Variants in PSPC1 observed in about 807,000 individuals in gnomAD.
PSPC1 encodes the protein paraspeckle protein 1.
PSPC1 carries 14 observed loss-of-function variants against 51.6 expected under a neutral mutation model. The observed-to-expected ratio is 0.27, with a 90% CI of 0.18 to 0.42. PSPC1 has a LOEUF of 0.42. PSPC1 is among the 10% of genes least tolerant of loss of function. The probability of loss-of-function intolerance (pLI) is 1.00; values close to 1 mark genes in which losing one functional copy is unlikely to be tolerated. For missense variants in PSPC1, 406 were observed against 701.1 expected (o/e 0.58, Z 4.75); for synonymous variants, 193 against 231.9 (o/e 0.83, Z 1.53).
intron 1 of PSPC1, among the ~76,000 whole-genome samples, chr13:19,777,910 C>T (rs905738319): frequency 6.6e-6 from 1 of 151,800 alleles, no homozygotes; most frequent in Non-Finnish European, 1.5e-5. Context: ...CGCGCTACTG[C>T]ACTCCAGCCT....
At chr13:19,740,173 G>A (rs547304748) in intron 5 of PSPC1, among the ~76,000 whole-genome samples, 32 of 152,150 alleles carry the variant, frequency 2.1e-4, no homozygotes, top group Admixed American at 9.8e-4. Flanking sequence ...GAGAAACCCC[G>A]TCTCTACTAA....
At chr13:19,712,557 T>C (rs1225388974) in intron 6 of PSPC1, among the ~76,000 whole-genome samples, 1 of 152,126 alleles carries the variant, frequency 6.6e-6, no homozygotes, top group Non-Finnish European at 1.5e-5. Context: ...ACCAAAAATA[T>C]CTATGGTTTT....
intron 6 of PSPC1, among the ~76,000 whole-genome samples, chr13:19,695,122 AAGAAAT>A (rs1879050134): frequency 6.6e-6 from 1 of 152,216 alleles, no homozygotes; most frequent in Admixed American, 6.5e-5. Flanking sequence ...ACCTACAGAA[AAGAAAT>A]AGAAACTGGC....
intron 1 of PSPC1, among the ~76,000 whole-genome samples, chr13:19,777,429 CAAAAAAAAA>C (rs397938970): frequency 6.3e-5 from 3 of 47,904 alleles, no homozygotes; most frequent in South Asian, 1.5e-3. Context: ...GACCTCAGCT[CAAAAAAAAA>C]AAAAAAAAAA....
intron 3 of PSPC1, among the ~76,000 whole-genome samples, chr13:19,757,197 T>C (rs1458542581): frequency 2.0e-5 from 3 of 151,770 alleles, no homozygotes; most frequent in Non-Finnish European, 4.4e-5. Context: ...CTTTGGGACC[T>C]TGAACTTTGG....
rs1282119530 is a variant in PSPC1, at chr13:19,776,921, T to C, written c.373-4378A>G. Among the ~76,000 whole-genome samples, 4 of 145,782 alleles carry C rather than the reference T, an allele frequency of 2.7e-5. No individual in the cohort carries two copies. In the East Asian group the frequency reaches 6.2e-4, roughly 23 times the overall value. On this transcript the variant is annotated intron_variant, in intron 1 of 8. Coordinates refer to ENST00000338910, the MANE Select transcript of PSPC1 (RefSeq NM_001354909.2). ...CAGGTGGATCACCTGAGGTCAGGAG[T>C]TCAAGACCAGCCTGGCCAACATGGT...
downstream of PSPC1, among the ~76,000 whole-genome samples, chr13:19,674,422 C>T (rs1024116886): frequency 1.3e-5 from 2 of 152,194 alleles, no homozygotes; most frequent in African/African-American, 4.8e-5. Flanking sequence ...GTAGAATGAT[C>T]AGGAGAGTCT....
downstream of PSPC1, among the ~76,000 whole-genome samples, chr13:19,700,370 ATT>A (rs1233581464): frequency 6.6e-6 from 1 of 152,100 alleles, no homozygotes; most frequent in Non-Finnish European, 1.5e-5. Flanking sequence ...TAAAACAGAT[ATT>A]GTTCCCCTAA....
intron 4 of PSPC1, among the ~76,000 whole-genome samples, chr13:19,746,788 T>C (rs1306544951): frequency 1.3e-5 from 2 of 151,728 alleles, no homozygotes; most frequent in African/African-American, 4.8e-5. Context: ...ACAATTATTA[T>C]TGTAAGGTAC....
chr13:19,735,110 G>GC (rs1245187925), intron 5 of PSPC1, among the ~76,000 whole-genome samples: 1 of 152,056 alleles, frequency 6.6e-6, no homozygotes, highest in Admixed American at 6.6e-5. Flanking sequence ...TCAAGGGTTT[G>GC]CGACCAGCTT....
intron 3 of PSPC1, among the ~76,000 whole-genome samples, chr13:19,758,952 A>G (rs1049025847): frequency 1.3e-5 from 2 of 151,990 alleles, no homozygotes; most frequent in African/African-American, 4.8e-5. Context: ...AAAAGTAGAC[A>G]TTTCTAAAAA....
chr13:19,674,668 T>A (rs1475096112), downstream of PSPC1: 1 of 152,086 alleles, frequency 6.6e-6, no homozygotes, highest in Non-Finnish European at 1.5e-5. Context: ...ACAGTGGAGC[T>A]CAAGGAGGAT....
intron 8 of PSPC1, among the ~76,000 whole-genome samples, chr13:19,704,380 T>C (rs17241375): frequency 6.6e-6 from 1 of 152,170 alleles, no homozygotes; most frequent in Admixed American, 6.5e-5. Flanking sequence ...CTCCAAATTC[T>C]TGAAGCAAAT....
downstream of PSPC1, among the ~76,000 whole-genome samples, chr13:19,701,516 T>C (rs1879903212): frequency 6.6e-6 from 1 of 152,098 alleles, no homozygotes; most frequent in South Asian, 2.1e-4. Context: ...CAAAGAACTG[T>C]CAAAAACAAA....
intron 7 of PSPC1, among the ~76,000 whole-genome samples, chr13:19,709,083 C>T (rs1224470686): frequency 7.1e-6 from 1 of 141,828 alleles, no homozygotes; most frequent in Admixed American, 7.7e-5. Context: ...CACTTGAGCC[C>T]AGGAAGTCGA....
At chr13:19,697,587 T>C (rs541628067), downstream of PSPC1, among the ~76,000 whole-genome samples, 10 of 152,286 alleles carry the variant, frequency 6.6e-5, no homozygotes, top group African/African-American at 2.2e-4. Context: ...TCCAAAGTTA[T>C]CCTAATGTGT....
Position 19,679,330 on chromosome 13 carries a change from A to AT in PSPC1, c.1159-1508_1159-1507insA, listed in dbSNP as rs1162593878. The stretch of plus-strand genomic sequence containing the variant: ...GACAACATGGCAAAGTCCCGTCTCT[A>AT]CAAAAAAATACAAAAATTAGCCACA... On this transcript the variant is annotated intron_variant and NMD_transcript_variant, in intron 6 of 7. Transcript: ENST00000471658. 6.7e-5 allele frequency among the ~76,000 whole-genome samples: 10 copies of AT among 148,536 alleles called. No individual in the cohort carries two copies. The East Asian group carries it at 1.8e-3, about 26-fold the overall frequency.
At position 19,680,159 on chromosome 13, in the gene PSPC1, C is replaced by G. The variant is rs376196370; in HGVS notation, c.1159-2336G>C. ...CTGCCCAAGTAGCCGGGACTACAGG[C>G]GCACACTACCGCGCCCAGCTAATTT... is the stretch of plus-strand genomic sequence containing the variant. On this transcript the variant is annotated intron_variant and NMD_transcript_variant, in intron 6 of 7. Transcript: ENST00000471658. Among the ~76,000 whole-genome samples, 224 of 152,164 alleles carry G rather than the reference C, an allele frequency of 1.5e-3. 1 individual carries two copies. The highest frequency in any genetic ancestry group is 5.1e-3 in the African/African-American group (210 of 41,494).
chr13:19,729,602 C>T (rs1883795051), intron 6 of PSPC1, among the ~76,000 whole-genome samples: 2 of 149,672 alleles, frequency 1.3e-5, no homozygotes, highest in South Asian at 2.1e-4. Context: ...CTAAAAGAGG[C>T]TGGATATAAC....
Sources: allele counts gnomAD v4.1 joint callset (sites outside exome capture counted in the v4.1 genomes callset), GRCh38; gene constraint gnomAD v4.1.1; transcripts MANE v1.5; gene names NCBI Gene and HGNC (gene_info 2026-07-23, HGNC 2026-07-21).